Variants in RNF145 observed in about 807,000 individuals in gnomAD.
RNF145 encodes the protein ring finger protein 145.
A neutral mutation model predicts 57.3 loss-of-function variants in RNF145; 12 were observed. That is an observed-to-expected ratio of 0.21 (90% CI 0.13 to 0.34). RNF145 has a LOEUF of 0.34. RNF145 is among the 10% of genes least tolerant of loss of function. The pLI is 1.00. For synonymous variants in RNF145, 262 were observed against 288.3 expected, an observed-to-expected ratio of 0.91 and a Z score of 0.92; for missense variants, 429 against 799.0, an observed-to-expected ratio of 0.54 and a Z score of 5.58.
At chr5:159,205,190 C>A (rs1259595462) in intron 1 of RNF145, among the ~76,000 whole-genome samples, 1 of 151,998 alleles carries the variant, frequency 6.6e-6, no homozygotes, top group Non-Finnish European at 1.5e-5. Context: ...ATATAGCCTG[C>A]CAATAATATA....
chr5:159,186,920 T>C (rs939224228), intron 3 of RNF145, among the ~76,000 whole-genome samples: 12 of 151,310 alleles, frequency 7.9e-5, no homozygotes, highest in African/African-American at 1.9e-4. Context: ...GAGGCGGAGG[T>C]TGCAGTGAGC....
intron 3 of RNF145, among the ~76,000 whole-genome samples, chr5:159,190,302 G>C (rs559267769): frequency 6.6e-6 from 1 of 152,146 alleles, no homozygotes; most frequent in Non-Finnish European, 1.5e-5. Flanking sequence ...CCAAAATGCT[G>C]GGATTACAAG....
chr5:159,176,270 C>T (rs1219310796), intron 5 of RNF145, among the ~76,000 whole-genome samples: 2 of 152,012 alleles, frequency 1.3e-5, no homozygotes, highest in Non-Finnish European at 2.9e-5. Context: ...ACATTGTCTG[C>T]CTGGTACTAA....
In RNF145 at chr5:159,168,976, A is replaced by G; in HGVS notation, c.1018T>C (p.Phe340Leu). Residue 340 changes from phenylalanine to leucine, a missense_variant, in exon 8 of 11, where the codon TTC becomes CTC. Physicochemically the swap from Phe to Leu is conservative, Grantham distance 22 (BLOSUM62 0). This residue lies in a region of RNF145 where 216 missense variants were observed against 457.6 expected (regional missense o/e 0.47). Coordinates refer to ENST00000424310, the MANE Select transcript of RNF145 (RefSeq NM_001199383.2). Reference protein sequence around the residue: ...LIELQVVHRAFLLSIILFIVV... With the variant: ...LIELQVVHRALLLSIILFIVV... ...ATGAAAAGGATAATACTGAGCAAGA[A>G]TGCCCGATGAACAACCTGCAGTTCT... The G allele has an allele frequency of 6.2e-7, 1 of 1,610,248 alleles. No homozygotes were observed. The highest frequency in any genetic ancestry group is 8.5e-7 in the Non-Finnish European group (1 of 1,179,020).
intron 1 of RNF145, among the ~76,000 whole-genome samples, chr5:159,203,966 G>A (rs1045923635): frequency 2.0e-5 from 3 of 152,132 alleles, no homozygotes; most frequent in Non-Finnish European, 2.9e-5. Flanking sequence ...ACTGTAACTT[G>A]TATAAAATTA....
chr5:159,207,593 GA>G, intron 1 of RNF145: 1 of 1,593,154 alleles, frequency 6.3e-7, no homozygotes, highest in South Asian at 1.1e-5. Flanking sequence ...AGGCCTCACT[GA>G]AAATGTTAAG....
At chr5:159,190,399 C>G (rs1308647060) in intron 3 of RNF145, among the ~76,000 whole-genome samples, 1 of 151,894 alleles carries the variant, frequency 6.6e-6, no homozygotes, top group Non-Finnish European at 1.5e-5. Context: ...AAAAAAAATA[C>G]CTGGGGCCAG....
At chr5:159,166,412 C>T (rs1413298586) in intron 8 of RNF145, among the ~76,000 whole-genome samples, 1 of 152,192 alleles carries the variant, frequency 6.6e-6, no homozygotes, top group Non-Finnish European at 1.5e-5. Context: ...TAGTCAATCT[C>T]AGTCTTCCAC....
rs1554148160 is a variant in RNF145 at position 159,209,498 on chromosome 5, C to CTGGCGTCGGCGGCGG, written c.-308_-307insCCGCCGCCGACGCCA. 2.9e-6 allele frequency: 1 copy of CTGGCGTCGGCGGCGG among 339,944 alleles called. No homozygotes were observed. 21.1% of individuals were successfully genotyped at this position (339,944 alleles called of 1,614,324 possible). Reference sequence around the variant, plus strand: ...GGGCCGAGCCCCTTAGCAGCCGGCGCCGGCGTCGGCGGCCATGGCCTCCTG... The same window carrying CTGGCGTCGGCGGCGG: ...GGGCCGAGCCCCTTAGCAGCCGGCGCTGGCGTCGGCGGCGGCGGCGTCGGCGGCCATGGCCTCCTG... On this transcript the variant is annotated 5_prime_UTR_variant, in exon 1 of 11. Transcript: ENST00000424310.
intron 10 of RNF145, among the ~76,000 whole-genome samples, chr5:159,160,414 T>C (rs1253048047): frequency 6.6e-6 from 1 of 152,180 alleles, no homozygotes; most frequent in East Asian, 1.9e-4. Flanking sequence ...AATACATACA[T>C]ACCCCACCTA....
chr5:159,169,413 G>A (rs1784478348), intron 7 of RNF145, among the ~76,000 whole-genome samples: 1 of 152,138 alleles, frequency 6.6e-6, no homozygotes, highest in African/African-American at 2.4e-5. Flanking sequence ...ATGGGAAAAA[G>A]CACGCTTCTG....
intron 3 of RNF145, among the ~76,000 whole-genome samples, chr5:159,191,734 G>A (rs1477671041): frequency 6.6e-6 from 1 of 152,140 alleles, no homozygotes; most frequent in Admixed American, 6.5e-5. Context: ...AGAGGTTGCA[G>A]TGAGCCGAGA....
At chr5:159,186,977 C>T (rs779470204) in intron 3 of RNF145, among the ~76,000 whole-genome samples, 2 of 150,896 alleles carry the variant, frequency 1.3e-5, no homozygotes, top group Non-Finnish European at 2.9e-5. Flanking sequence ...AGCAAGACTC[C>T]GTCTCAAAAC....
intron 1 of RNF145, among the ~76,000 whole-genome samples, chr5:159,205,304 C>G (rs1038562176): frequency 6.6e-6 from 1 of 152,010 alleles, no homozygotes; most frequent in Admixed American, 6.5e-5. Context: ...TTGTGAAAAT[C>G]AGAACTAAAT....
intron 2 of RNF145, among the ~76,000 whole-genome samples, chr5:159,197,735 C>G (rs1245979705): frequency 1.3e-5 from 2 of 152,166 alleles, no homozygotes; most frequent in East Asian, 3.8e-4. Context: ...AATGGCAAAG[C>G]TGTTAGTTTT....
intron 3 of RNF145, among the ~76,000 whole-genome samples, chr5:159,183,413 G>T (rs1205103334): frequency 6.6e-6 from 1 of 152,082 alleles, no homozygotes; most frequent in Non-Finnish European, 1.5e-5. Context: ...CAATGCAAAG[G>T]CTAGCCCCTA....
upstream of RNF145, chr5:159,209,989 A>G: frequency 8.0e-7 from 1 of 1,253,710 alleles, no homozygotes; most frequent in Non-Finnish European, 1.1e-6. Context: ...GGGATGGCTC[A>G]GCCGTGCCCA....
chr5:159,167,786 T>C (rs1784434140), intron 8 of RNF145, among the ~76,000 whole-genome samples: 1 of 152,192 alleles, frequency 6.6e-6, no homozygotes, highest in Admixed American at 6.5e-5. Flanking sequence ...CTTATTTAAA[T>C]TGATTTTTCA....
intron 3 of RNF145, among the ~76,000 whole-genome samples, chr5:159,182,871 T>C (rs922196793): frequency 5.9e-5 from 9 of 152,152 alleles, no homozygotes; most frequent in Non-Finnish European, 1.2e-4. Flanking sequence ...TTCCCTTTTT[T>C]TCAACTTTTA....
Sources: allele counts gnomAD v4.1 joint callset (sites outside exome capture counted in the v4.1 genomes callset), GRCh38; gene constraint gnomAD v4.1.1; regional missense constraint gnomAD v4.1.1; transcripts MANE v1.5; gene names NCBI Gene and HGNC (gene_info 2026-07-23, HGNC 2026-07-21).